Variants in TENM3 observed in about 807,000 individuals in gnomAD.
TENM3 encodes teneurin transmembrane protein 3, also known as teneurin-3.
TENM3 carries 63 observed loss-of-function variants against 255.1 expected under a neutral mutation model. The ratio of observed to expected loss-of-function variants is 0.25; its 90% CI spans 0.20 to 0.30. The LOEUF (loss-of-function observed/expected upper bound fraction) is 0.30. Among genes scored for constraint, TENM3 ranks in the 10% least tolerant of loss-of-function variants. The pLI is 1.00. For synonymous variants in TENM3, 1,306 were observed against 1,322.3 expected, an observed-to-expected ratio of 0.99 and a Z score of 0.27; for missense variants, 2,929 against 3,461.1, an observed-to-expected ratio of 0.85 and a Z score of 3.86.
chr4:182,239,033 A>ATG (rs10533748), upstream of TENM3, among the ~76,000 whole-genome samples: 17,317 of 139,844 alleles, frequency 0.12, 1,267 homozygotes, highest in East Asian at 0.4. Flanking sequence ...AAAAATCTTT[A>ATG]TGTGTGTGTG....
the TENM3 span, among the ~76,000 whole-genome samples, chr4:181,521,260 A>G: frequency 6.6e-6 from 1 of 152,264 alleles, no homozygotes; most frequent in Non-Finnish European, 1.5e-5. Flanking sequence ...CTGGAGGAGC[A>G]TGGCAGCTTC....
At chr4:181,703,457 C>T in the TENM3 span, among the ~76,000 whole-genome samples, 1 of 152,194 alleles carries the variant, frequency 6.6e-6, no homozygotes, top group African/African-American at 2.4e-5. Flanking sequence ...AAGAGGGGAA[C>T]TAGATAAGAC....
the TENM3 span, among the ~76,000 whole-genome samples, chr4:182,011,973 A>G: frequency 6.6e-6 from 1 of 152,234 alleles, no homozygotes; most frequent in Non-Finnish European, 1.5e-5. Flanking sequence ...AAGAGACTTC[A>G]TGGAGAGACC....
Position 182,743,153 on chromosome 4 carries a change from C to T in TENM3, c.3380-17C>T. Reference sequence around the variant, plus strand: ...CTTTTTCATCATAAGAAAAACAATGCACTTTATTTCTTCTAGGTATACTGT... The same window carrying T: ...CTTTTTCATCATAAGAAAAACAATGTACTTTATTTCTTCTAGGTATACTGT... On this transcript the variant is annotated splice_polypyrimidine_tract_variant and intron_variant, in intron 18 of 27. Transcript: ENST00000511685. 1.3e-6 allele frequency: 2 copies of T among 1,570,894 alleles called. No homozygotes were observed. Among genetic ancestry groups the T allele is most frequent in the African/African-American group, 1.4e-5 (1 of 73,666 alleles).
At chr4:182,275,140 T>C (rs528428707) in intron 1 of TENM3, among the ~76,000 whole-genome samples, 1 of 152,224 alleles carries the variant, frequency 6.6e-6, no homozygotes, top group East Asian at 1.9e-4. Context: ...TTTTATTTAA[T>C]TGGAGTGTTG....
At chr4:182,580,740 A>G (rs1422634481) in intron 3 of TENM3, among the ~76,000 whole-genome samples, 2 of 152,226 alleles carry the variant, frequency 1.3e-5, no homozygotes, top group Non-Finnish European at 2.9e-5. Flanking sequence ...CAGAACATTT[A>G]CTGCTAACCC....
the TENM3 span, among the ~76,000 whole-genome samples, chr4:181,582,333 A>C: frequency 6.6e-5 from 10 of 152,112 alleles, no homozygotes; most frequent in African/African-American, 9.7e-5. Flanking sequence ...TGTGTGAACA[A>C]GTGCTAGCTC....
At chr4:182,031,763 T>C in the TENM3 span, among the ~76,000 whole-genome samples, 1 of 152,208 alleles carries the variant, frequency 6.6e-6, no homozygotes, top group Non-Finnish European at 1.5e-5. Context: ...GAAGAGGTCC[T>C]TTACCTCCCT....
chr4:182,210,342 C>T (rs1287396896), intron 1 of TENM3, among the ~76,000 whole-genome samples: 2 of 152,078 alleles, frequency 1.3e-5, no homozygotes, highest in African/African-American at 4.8e-5. Flanking sequence ...CTTCTTTTCC[C>T]CCCAACCCAT....
At chr4:181,994,554 GTT>G in the TENM3 span, among the ~76,000 whole-genome samples, 6 of 128,384 alleles carry the variant, frequency 4.7e-5, no homozygotes, top group African/African-American at 1.5e-4. Flanking sequence ...TTTTTTGTGG[GTT>G]TTTTTTTTTT....
intron 3 of TENM3, among the ~76,000 whole-genome samples, chr4:182,457,186 CAAA>C (rs34395020): frequency 5.2e-5 from 5 of 97,010 alleles, no homozygotes; most frequent in Admixed American, 9.9e-5. Context: ...CTCTGTCTCT[CAAA>C]AAAAAAAAAA....
rs1752987311 is a variant in TENM3 at position 182,183,875 on chromosome 4, A to G, written c.-76+39121A>G. 1.3e-5 allele frequency among the ~76,000 whole-genome samples: 2 copies of G among 152,218 alleles called. 1 individual carries two copies. Among genetic ancestry groups the G allele is most frequent in the South Asian group, 4.1e-4 (2 of 4,836 alleles). On this transcript the variant is annotated intron_variant, in intron 1 of 2. Coordinates refer to the TENM3 transcript ENST00000512480. ...TCAGTGGGGAATAAATAGCAAACAT[A>G]TGAGTATTCTCAAATGTCTGAGTTT...
the TENM3 span, among the ~76,000 whole-genome samples, chr4:181,796,361 G>T: frequency 6.6e-6 from 1 of 152,162 alleles, no homozygotes; most frequent in Non-Finnish European, 1.5e-5. Flanking sequence ...TGCTGGAAAA[G>T]CTCAAAGAAA....
intron 2 of TENM3, among the ~76,000 whole-genome samples, chr4:182,328,844 G>T (rs528003912): frequency 1.2e-3 from 188 of 152,218 alleles, no homozygotes; most frequent in Middle Eastern, 6.8e-3. Flanking sequence ...GTAGTTTGGG[G>T]GATCCCACTG....
At chr4:181,560,261 AT>A in the TENM3 span, among the ~76,000 whole-genome samples, 1 of 152,072 alleles carries the variant, frequency 6.6e-6, no homozygotes, top group Non-Finnish European at 1.5e-5. Flanking sequence ...AAGGGCACTA[AT>A]CCCCTTCACA....
chr4:182,735,310 T>C (rs1761078845), intron 16 of TENM3, among the ~76,000 whole-genome samples: 1 of 152,198 alleles, frequency 6.6e-6, no homozygotes, highest in South Asian at 2.1e-4. Flanking sequence ...ATCGCGTCCC[T>C]CTTCATGCCA....
intron 22 of TENM3, among the ~76,000 whole-genome samples, chr4:182,764,077 C>CA (rs1334249757): frequency 6.6e-6 from 1 of 152,212 alleles, no homozygotes; most frequent in African/African-American, 2.4e-5. Flanking sequence ...TCTGAGGAAG[C>CA]ACAGTTTCCA....
the TENM3 span, among the ~76,000 whole-genome samples, chr4:181,833,204 G>C: frequency 6.6e-6 from 1 of 152,086 alleles, no homozygotes; most frequent in South Asian, 2.1e-4. Flanking sequence ...GGCTATCAGA[G>C]ATCACTGGCG....
At chr4:181,736,838 G>T in the TENM3 span, among the ~76,000 whole-genome samples, 1 of 151,998 alleles carries the variant, frequency 6.6e-6, no homozygotes, top group Non-Finnish European at 1.5e-5. Context: ...ACTAGTGGAG[G>T]CCCACTGAAA....
Sources: allele counts gnomAD v4.1 joint callset (sites outside exome capture counted in the v4.1 genomes callset), GRCh38; gene constraint gnomAD v4.1.1; transcripts MANE v1.5; gene names NCBI Gene and HGNC (gene_info 2026-07-23, HGNC 2026-07-21).